PCSK7: variants seen among roughly 807,000 people sequenced by gnomAD.
PCSK7 encodes the protein lymphoma proprotein convertase.
Under a neutral mutation model 73.3 loss-of-function variants are expected in PCSK7, and 38 were observed. The ratio of observed to expected loss-of-function variants is 0.52; its 90% CI spans 0.40 to 0.68. PCSK7 has a LOEUF of 0.68. Ranked by LOEUF, PCSK7 falls within the 30% of genes least tolerant of loss-of-function variation. The probability of loss-of-function intolerance (pLI) is 0.00; values close to 1 mark genes in which losing one functional copy is unlikely to be tolerated. For synonymous variants in PCSK7, 296 were observed against 383.8 expected (o/e 0.77, Z 2.68); for missense variants, 692 against 991.5 (o/e 0.70, Z 4.06).
chr11:117,219,500 A>T, intron 10 of PCSK7, 91 bp downstream of exon 10: 1 of 1,218,128 alleles, frequency 8.2e-7, no homozygotes, highest in South Asian at 1.3e-5. Context: ...TTAGTATCTA[A>T]CATTTGGGAC....
chr11:117,204,713 C>T lies in PCSK7; in HGVS notation c.*1284G>A, dbSNP rs1395529817. ...AAAAGCCCATTGAAGAAGAACCAGC[C>T]CAGCCTGCCCCCTATCTTGTCCTGG... On this transcript the variant is annotated 3_prime_UTR_variant, in exon 17 of 17. Coordinates refer to ENST00000320934, the MANE Select transcript of PCSK7 (RefSeq NM_004716.4). 2.7e-6 allele frequency: 1 copy of T among 371,456 alleles called. No homozygotes were observed. Among genetic ancestry groups the T allele is most frequent in the Non-Finnish European group, 5.1e-6 (1 of 195,262 alleles). 23.0% of individuals were successfully genotyped at this position (371,456 alleles called of 1,614,324 possible).
At position 117,224,172 on chromosome 11, in the gene PCSK7, C is replaced by T. The variant is rs201586649; in HGVS notation, c.960G>A (p.Gly320=). Residue 320 remains glycine (G), a synonymous_variant, in exon 8 of 17, where the codon GGG becomes GGA. Coordinates refer to ENST00000320934, the MANE Select transcript of PCSK7 (RefSeq NM_004716.4). The part of the protein sequence containing the change: ...HGVIAGRQGF[G]SIFVVASGNG... ...TGCCACTGGCTACCACAAAGATGCTCCCAAAGCCCTGGCGACCAGCAATCA... is the reference window on the plus strand; with the variant it reads ...TGCCACTGGCTACCACAAAGATGCTTCCAAAGCCCTGGCGACCAGCAATCA... 116 of 1,614,050 alleles carry T rather than the reference C, an allele frequency of 7.2e-5. No individual in the cohort carries two copies. The highest frequency in any genetic ancestry group is 1.6e-4 in the Middle Eastern group (1 of 6,084).
Position 117,204,900 on chromosome 11 carries a change from C to T in PCSK7, c.*1097G>A, listed in dbSNP as rs983501177. On this transcript the variant is annotated 3_prime_UTR_variant, in exon 17 of 17. Coordinates refer to ENST00000320934, the MANE Select transcript of PCSK7 (RefSeq NM_004716.4). ...GCTTGTATGTGTTCCTGGCTGCCGT[C>T]CTCTGAAGGACCCTTCATGTGCCAA... 7 of 220,662 alleles carry T rather than the reference C, an allele frequency of 3.2e-5. No individual in the cohort carries two copies. Among genetic ancestry groups the T allele is most frequent in the Non-Finnish European group, 6.5e-5 (7 of 107,462 alleles). 13.7% of individuals were successfully genotyped at this position (220,662 alleles called of 1,614,324 possible).
chr11:117,204,641 T>C lies in PCSK7; in HGVS notation c.*1356A>G. The C allele has an allele frequency of 5.8e-6, 3 of 515,922 alleles. No individual in the cohort carries two copies. The highest frequency in any genetic ancestry group is 1.1e-5 in the Non-Finnish European group (3 of 278,590). The allele number at this position is 515,922 out of a possible 1,614,324, so 32.0% of individuals were successfully genotyped here. ...TGGGCTAAGCAGGGGAGAAGCGGGCTGGGGGTAGCCTGGATGTGGGCCAAG... is the reference window on the plus strand; with the variant it reads ...TGGGCTAAGCAGGGGAGAAGCGGGCCGGGGGTAGCCTGGATGTGGGCCAAG... On this transcript the variant is annotated 3_prime_UTR_variant, in exon 17 of 17. Transcript: ENST00000320934.
Position 117,224,223 on chromosome 11 carries a change from A to T in PCSK7, c.916-7T>A. The T allele has an allele frequency of 6.2e-7, 1 of 1,613,962 alleles. No homozygotes were observed. The highest frequency in any genetic ancestry group is 1.1e-5 in the South Asian group (1 of 91,072). Reference sequence around the variant, plus strand: ...CCCCATGTTGTAAGGCAGCCTGAGGAGCCAAAACATCAGGGTGTCAGTTGA... The same window carrying T: ...CCCCATGTTGTAAGGCAGCCTGAGGTGCCAAAACATCAGGGTGTCAGTTGA... On this transcript the variant is annotated splice_polypyrimidine_tract_variant and splice_region_variant and intron_variant, in intron 7 of 16. Coordinates refer to ENST00000320934, the MANE Select transcript of PCSK7 (RefSeq NM_004716.4).
intron 6 of PCSK7, chr11:117,225,055 CT>C (rs571538440): frequency 0.026 from 3,548 of 134,292 alleles, 46 homozygotes; most frequent in African/African-American, 0.06. Flanking sequence ...ACATGTAGAC[CT>C]TTTTTTTTTT....
intron 1 of PCSK7, chr11:117,231,332 C>G (rs2032654580): frequency 6.6e-6 from 1 of 152,222 alleles, no homozygotes. Flanking sequence ...TTCTTCCTCT[C>G]GTTTTCTCTT....
chr11:117,228,608 ACTT>A (rs1206509993), intron 3 of PCSK7, among the ~76,000 whole-genome samples: 3 of 145,128 alleles, frequency 2.1e-5, no homozygotes, highest in Admixed American at 1.4e-4. Flanking sequence ...TGGATGATAC[ACTT>A]CTTTTTTTTT....
chr11:117,223,567 C>T (rs140073882), intron 8 of PCSK7: 11 of 523,676 alleles, frequency 2.1e-5, no homozygotes, highest in African/African-American at 1.1e-4. Context: ...TACCTTCATA[C>T]CCACTTATTC....
In PCSK7 at chr11:117,218,394, G is replaced by T; in HGVS notation, c.1534+72C>A. The T allele has an allele frequency of 2.6e-6, 2 of 761,210 alleles. No homozygotes were observed. The highest frequency in any genetic ancestry group is 4.2e-6 in the Non-Finnish European group (2 of 474,974). 47.2% of individuals were successfully genotyped at this position (761,210 alleles called of 1,614,324 possible). On this transcript the variant is annotated intron_variant, in intron 12 of 16. Transcript: ENST00000320934. The surrounding 1 kb of genome is among the most constrained non-coding windows in gnomAD (Gnocchi z 4.0). Reference sequence around the variant, plus strand: ...GGGGGTAGAATCTGGCAGGGAGGACGAGTTTAACTTCCTTGTCACCCGGCC... The same window carrying T: ...GGGGGTAGAATCTGGCAGGGAGGACTAGTTTAACTTCCTTGTCACCCGGCC...
Position 117,219,356 on chromosome 11 carries a change from C to T in PCSK7, c.1324-192G>A. The T allele has an allele frequency of 6.3e-6, 4 of 633,924 alleles. No homozygotes were observed. The South Asian group carries it at 8.0e-5, about 13-fold the overall frequency. The allele number at this position is 633,924 out of a possible 1,614,324, so 39.3% of individuals were successfully genotyped here. A position where few individuals can be genotyped will look rare whatever the true frequency, so the allele number is the denominator to read the frequency against. ...ATGATGTCACCACCCCACTGGCTTG[C>T]TTCTAGAGAAGGGGCCAGGAGGCAC... On this transcript the variant is annotated intron_variant, in intron 10 of 16. Transcript: ENST00000320934.
chr11:117,217,264 C>T (rs1446901887), intron 12 of PCSK7: 1 of 147,682 alleles, frequency 6.8e-6, no homozygotes, highest in Non-Finnish European at 1.5e-5. Context: ...CCATATTACT[C>T]TTTTAAGTCA....
rs541617429 is a variant in PCSK7, at chr11:117,229,834, C to T, written c.11G>A (p.Gly4Glu). The change falls in exon 3 of 17, where the codon GGG becomes GAG. Residue 4 changes from glycine (G) to glutamate (E), a missense_variant. Gly to Glu is a moderately conservative substitution (Grantham distance 98). This residue lies in a region of PCSK7 where 574 missense variants were observed against 689.8 expected (regional missense o/e 0.83). Coordinates refer to ENST00000320934, the MANE Select transcript of PCSK7 (RefSeq NM_004716.4). MPKGRQKVPHLDAP... is the reference protein window; with the variant it reads MPKERQKVPHLDAP... ...ATCCAAGTGTGGCACTTTCTGCCTC[C>T]CCTTCGGCATCAGAGCAGTGGACTG... is the stretch of plus-strand genomic sequence containing the variant. 12 of 1,563,822 alleles carry T rather than the reference C, an allele frequency of 7.7e-6. No homozygotes were observed. In the East Asian group the frequency reaches 2.7e-4, roughly 35 times the overall value.
At position 117,204,865 on chromosome 11, in the gene PCSK7, G is replaced by A. The variant is rs927081916; in HGVS notation, c.*1132C>T. 8.6e-6 allele frequency: 2 copies of A among 233,794 alleles called. No individual in the cohort carries two copies. The highest frequency in any genetic ancestry group is 7.1e-5 in the East Asian group (1 of 14,142). The allele number at this position is 233,794 out of a possible 1,614,324, so 14.5% of individuals were successfully genotyped here. ...TTCAGATCTGCGCAGGGGACAGGCAGGCATCTCGGGCTTGTATGTGTTCCT... is the reference window on the plus strand; with the variant it reads ...TTCAGATCTGCGCAGGGGACAGGCAAGCATCTCGGGCTTGTATGTGTTCCT... On this transcript the variant is annotated 3_prime_UTR_variant, in exon 17 of 17. Transcript: ENST00000320934.
Position 117,219,165 on chromosome 11 carries a change from C to T in PCSK7, c.1324-1G>A, listed in dbSNP as rs777193900. 3.1e-6 allele frequency: 5 copies of T among 1,603,126 alleles called. No homozygotes were observed. In the South Asian group the frequency reaches 4.4e-5, roughly 14 times the overall value. On this transcript the variant is annotated splice_acceptor_variant, in intron 10 of 16. Transcript: ENST00000320934. LOFTEE classifies it high-confidence loss of function. Reference sequence around the variant, plus strand: ...CCCACTCTGCACGGCGATCCTCATACTGAAAGGACAGAGGTCCTGGTTAGT... The same window carrying T: ...CCCACTCTGCACGGCGATCCTCATATTGAAAGGACAGAGGTCCTGGTTAGT...
intron 9 of PCSK7, chr11:117,220,078 A>G (rs1054718007): frequency 5.0e-6 from 1 of 199,624 alleles, no homozygotes; most frequent in Non-Finnish European, 1.0e-5. Context: ...TTGACCAGAG[A>G]AGGACCCAAT....
At chr11:117,223,836 A>C in intron 8 of PCSK7, 1 of 527,422 alleles carries the variant, frequency 1.9e-6, no homozygotes, top group Non-Finnish European at 3.4e-6. Context: ...GCAGAGGCCT[A>C]ACCAGCTGTG....
intron 9 of PCSK7, chr11:117,220,767 G>A (rs1340154672): frequency 6.6e-6 from 1 of 152,342 alleles, no homozygotes; most frequent in Admixed American, 6.5e-5. Context: ...TGAACACAGG[G>A]AGTGTGTTCC....
At chr11:117,228,135 A>AG in intron 4 of PCSK7, 81 bp downstream of exon 4, 1 of 1,410,762 alleles carries the variant, frequency 7.1e-7, no homozygotes, top group Non-Finnish European at 9.9e-7. Flanking sequence ...AAAGACCTCT[A>AG]GAAAAGGGGA....
Sources: gnomAD v4.1 joint callset for allele counts (sites outside exome capture counted in the v4.1 genomes callset) on GRCh38, gnomAD v4.1.1 for gene constraint, gnomAD v4.1.1 regional missense constraint, Gnocchi (gnomAD v3.1) non-coding constraint, MANE v1.5 for transcripts, NCBI Gene and HGNC (gene_info 2026-07-23, HGNC 2026-07-21) for gene names.